ERC2: variants seen among roughly 807,000 people sequenced by gnomAD.
ERC2 encodes the protein ERC protein 2.
Under a neutral mutation model 114.8 loss-of-function variants are expected in ERC2, and 42 were observed. The observed-to-expected ratio is 0.37, with a 90% CI of 0.29 to 0.47. ERC2 has a LOEUF of 0.47. Among genes scored for constraint, ERC2 ranks in the 20% least tolerant of loss-of-function variants. The probability of loss-of-function intolerance (pLI) is 0.99; values close to 1 mark genes in which losing one functional copy is unlikely to be tolerated. For synonymous variants in ERC2, 454 were observed against 425.5 expected (o/e 1.07, Z -0.82); for missense variants, 939 against 1,150.7 (o/e 0.82, Z 2.66).
chr3:55,699,312 T>C, intron 16 of ERC2, 66 bp downstream of exon 16: 9 of 1,580,404 alleles, frequency 5.7e-6, no homozygotes, highest in Non-Finnish European at 7.8e-6. Context: ...TTGAGGATTA[T>C]TTATTTTATC....
rs541293190 is a variant in ERC2, at chr3:55,617,354, A to C, written c.*39+66440T>G. ...TTCCCAGGAAATGGAACACAGCATG[A>C]AGCAAGCCGACTGCAATTTTCCACC... On this transcript the variant is annotated intron_variant, in intron 17 of 17. Coordinates refer to ENST00000288221, the MANE Select transcript of ERC2 (RefSeq NM_015576.3). Among the ~76,000 whole-genome samples the C allele has an allele frequency of 1.2e-4, 18 of 152,320 alleles. No individual in the cohort carries two copies. The South Asian group carries it at 3.7e-3, about 32-fold the overall frequency.
intron 14 of ERC2, among the ~76,000 whole-genome samples, chr3:55,868,591 C>T (rs1405032989): frequency 6.6e-6 from 1 of 152,188 alleles, no homozygotes; most frequent in East Asian, 1.9e-4. Flanking sequence ...GAGGCTGAAG[C>T]CGTCCTAGCC....
chr3:55,809,268 A>C (rs538216732), intron 14 of ERC2, among the ~76,000 whole-genome samples: 18 of 152,298 alleles, frequency 1.2e-4, no homozygotes, highest in African/African-American at 4.3e-4. Context: ...CGATCCAGTC[A>C]CAGCATTTAG....
intron 7 of ERC2, among the ~76,000 whole-genome samples, chr3:56,071,898 C>T (rs540156778): frequency 6.6e-6 from 1 of 152,280 alleles, no homozygotes; most frequent in African/African-American, 2.4e-5. Flanking sequence ...TTCATTGGAG[C>T]AAAATGGACT....
At chr3:55,561,484 A>G (rs1487820259) in intron 17 of ERC2, among the ~76,000 whole-genome samples, 2 of 152,184 alleles carry the variant, frequency 1.3e-5, no homozygotes, top group African/African-American at 4.8e-5. Context: ...GGCATTTGTC[A>G]GAACTTAATT....
intron 6 of ERC2, among the ~76,000 whole-genome samples, chr3:56,126,285 G>A (rs1313367495): frequency 6.6e-6 from 1 of 152,174 alleles, no homozygotes; most frequent in African/African-American, 2.4e-5. Context: ...CCATGATGGG[G>A]AGCTTGTTCA....
intron 13 of ERC2, among the ~76,000 whole-genome samples, chr3:55,917,840 C>T (rs1480541635): frequency 6.6e-6 from 1 of 152,124 alleles, no homozygotes; most frequent in East Asian, 1.9e-4. Context: ...TTTGTGGATA[C>T]CAGTTATATC....
At chr3:55,559,076 A>C (rs973393999) in intron 17 of ERC2, among the ~76,000 whole-genome samples, 1 of 152,230 alleles carries the variant, frequency 6.6e-6, no homozygotes, top group Admixed American at 6.5e-5. Context: ...ATGTGGCTCC[A>C]ACTGGGTATT....
chr3:55,528,545 AT>A (rs1326751114), intron 17 of ERC2, among the ~76,000 whole-genome samples: 1 of 152,132 alleles, frequency 6.6e-6, no homozygotes, highest in African/African-American at 2.4e-5. Flanking sequence ...AAAAAAAAAA[AT>A]TTTAGCACTC....
intron 2 of ERC2, among the ~76,000 whole-genome samples, chr3:56,355,595 G>C (rs1412050442): frequency 6.6e-6 from 1 of 152,012 alleles, no homozygotes; most frequent in African/African-American, 2.4e-5. Context: ...TACAGCGTGC[G>C]CCACGACACC....
At chr3:56,071,554 T>C (rs2076740113) in intron 7 of ERC2, among the ~76,000 whole-genome samples, 1 of 152,126 alleles carries the variant, frequency 6.6e-6, no homozygotes, top group Non-Finnish European at 1.5e-5. Flanking sequence ...TTGTGTACAC[T>C]AGAGCCCAAA....
Position 55,583,201 on chromosome 3 carries a change from G to A in ERC2, c.*40-71925C>T, listed in dbSNP as rs777744577. On this transcript the variant is annotated intron_variant, in intron 17 of 17. Coordinates refer to ENST00000288221, the MANE Select transcript of ERC2 (RefSeq NM_015576.3). ...GCTACCCAGACTCTTCAGAGTCAAA[G>A]CAAAATGTCACATTCTTACCCACCA... Among the ~76,000 whole-genome samples, 30 of 152,098 alleles carry A rather than the reference G, an allele frequency of 2.0e-4. 1 individual carries two copies. Among genetic ancestry groups the A allele is most frequent in the Non-Finnish European group, 4.0e-4 (27 of 68,030 alleles).
At chr3:55,523,948 G>A (rs142509086) in intron 17 of ERC2, among the ~76,000 whole-genome samples, 2,584 of 152,304 alleles carry the variant, frequency 0.017, 58 homozygotes, top group African/African-American at 0.046. Context: ...CAGGAGCTTC[G>A]TATGTGTAGA....
At chr3:55,718,252 T>G (rs1246914205) in intron 15 of ERC2, among the ~76,000 whole-genome samples, 2 of 152,136 alleles carry the variant, frequency 1.3e-5, no homozygotes, top group Non-Finnish European at 2.9e-5. Context: ...CTGAGATAAT[T>G]TTGCAGCTAT....
intron 2 of ERC2, among the ~76,000 whole-genome samples, chr3:56,413,896 A>C (rs768327878): frequency 1.3e-5 from 2 of 152,332 alleles, no homozygotes; most frequent in South Asian, 4.1e-4. Flanking sequence ...CTATGCACAC[A>C]TGTGCACCCA....
intron 17 of ERC2, among the ~76,000 whole-genome samples, chr3:55,648,688 G>A (rs1164962022): frequency 6.6e-6 from 1 of 152,296 alleles, no homozygotes; most frequent in Middle Eastern, 3.4e-3. Flanking sequence ...AAGACCATCA[G>A]ATCCAGAGTC....
chr3:55,877,464 G>A (rs898912161), intron 14 of ERC2, among the ~76,000 whole-genome samples: 2 of 151,488 alleles, frequency 1.3e-5, no homozygotes, highest in African/African-American at 2.4e-5. Flanking sequence ...TCACTGCACC[G>A]ATAATTCTTT....
At chr3:55,980,032 C>T (rs1326941575) in intron 12 of ERC2, among the ~76,000 whole-genome samples, 2 of 139,884 alleles carry the variant, frequency 1.4e-5, no homozygotes, top group Admixed American at 1.5e-4. Context: ...ACACAGTCTA[C>T]AATTTCTAAA....
intron 15 of ERC2, among the ~76,000 whole-genome samples, chr3:55,714,348 G>T (rs1307240374): frequency 6.6e-6 from 1 of 151,996 alleles, no homozygotes; most frequent in Non-Finnish European, 1.5e-5. Flanking sequence ...AAGAACACAG[G>T]GATGAATACA....
Sources: gnomAD v4.1 joint callset for allele counts (sites outside exome capture counted in the v4.1 genomes callset) on GRCh38, gnomAD v4.1.1 for gene constraint, MANE v1.5 for transcripts, NCBI Gene and HGNC (gene_info 2026-07-23, HGNC 2026-07-21) for gene names.